AMZ1: variants seen among roughly 807,000 people sequenced by gnomAD.
AMZ1 encodes the protein archaelysin family metallopeptidase 1.
In AMZ1, 39 loss-of-function variants were observed where a neutral mutation model predicts 29.9. The ratio of observed to expected loss-of-function variants is 1.30; its 90% confidence interval spans 1.01 to 1.70. The LOEUF is 1.70. AMZ1 is among the 40% of genes most tolerant of loss of function. The pLI is 0.00. For synonymous variants in AMZ1, 458 were observed against 304.0 expected, an observed-to-expected ratio of 1.51 and a Z score of -5.27; for missense variants, 1,041 against 680.6, an observed-to-expected ratio of 1.53 and a Z score of -5.89.
chr7:2,709,788 T>A lies in AMZ1; in HGVS notation c.920T>A (p.Leu307Gln). Reference sequence around the variant, plus strand: ...TGCCTGAGGAAGCTGCAGCATGTCCTGGGTTTCAGGCTCATCGAGAGGTAC... The same window carrying A: ...TGCCTGAGGAAGCTGCAGCATGTCCAGGGTTTCAGGCTCATCGAGAGGTAC... ...PICLRKLQHV[L>Q]GFRLIERYQR... The change falls in exon 6 of 7, where the codon CTG becomes CAG. Residue 307 changes from leucine (L) to glutamine (Q), a missense_variant. Coordinates refer to ENST00000683327, the MANE Select transcript of AMZ1 (RefSeq NM_001384743.1). 6.2e-7 allele frequency: 1 copy of A among 1,611,964 alleles called. No homozygotes were observed. The highest frequency in any genetic ancestry group is 2.2e-5 in the East Asian group (1 of 44,880).
At chr7:2,725,389 C>G (rs1670930690) in intron 4 of AMZ1, among the ~76,000 whole-genome samples, 1 of 152,242 alleles carries the variant, frequency 6.6e-6, no homozygotes, top group African/African-American at 2.4e-5. Context: ...GAGCAGTGAC[C>G]TGTGTCTGAA....
rs761151151 is a variant in AMZ1 at position 2,712,803 on chromosome 7, G to C, written c.1422G>C (p.Leu474=). ...TGCTGGGGGACAAGTTCTCCTCCCT[G>C]AGGAGGAAGCTGAGTGCCCGAAAAC... ...RKVLGDKFSS[L]RRKLSARKLA... Residue 474 remains leucine (L), a synonymous_variant, in exon 7 of 7, where the codon CTG becomes CTC. Coordinates refer to ENST00000683327, the MANE Select transcript of AMZ1 (RefSeq NM_001384743.1). 3.2e-6 allele frequency: 5 copies of C among 1,547,068 alleles called. No homozygotes were observed. The Admixed American group carries it at 9.7e-5, about 30-fold the overall frequency.
rs563263197 is a variant in AMZ1 at position 2,712,391 on chromosome 7, C to T, written c.1010C>T (p.Pro337Leu). 6.6e-5 allele frequency: 106 copies of T among 1,609,998 alleles called. No individual in the cohort carries two copies. Among genetic ancestry groups the T allele is most frequent in the South Asian group, 7.7e-5 (7 of 90,646 alleles). ...TGGCCCAGCCAGGAGGCGGGGGAGC[C>T]GTCAGTGTGGGAGGACACCCCGCCT... Reference protein sequence around the residue: ...GTWPSQEAGEPSVWEDTPPAS... With the variant: ...GTWPSQEAGELSVWEDTPPAS... Residue 337 changes from proline (P) to leucine (L), a missense_variant, in exon 7 of 7, where the codon CCG becomes CTG. Pro to Leu is a moderately conservative substitution (Grantham distance 98). Coordinates refer to ENST00000683327, the MANE Select transcript of AMZ1 (RefSeq NM_001384743.1).
chr7:2,731,384 G>A lies in AMZ1; in HGVS notation n.550+21568G>A, dbSNP rs1789887131. Reference sequence around the variant, plus strand: ...CTGTGCGGGTCGCCCCTGAAGTCCGGGAAGTGCTTCTTGATGCTCACGGTC... The same window carrying A: ...CTGTGCGGGTCGCCCCTGAAGTCCGAGAAGTGCTTCTTGATGCTCACGGTC... On this transcript the variant is annotated intron_variant and non_coding_transcript_variant, in intron 4 of 4. Coordinates refer to the AMZ1 transcript ENST00000489665. This position sits in a 1 kb window ranked among gnomAD's most constrained non-coding sequence, Gnocchi z 6.0. The A allele has an allele frequency of 3.1e-6, 5 of 1,613,604 alleles. No individual in the cohort carries two copies. The East Asian group carries it at 8.9e-5, about 29-fold the overall frequency.
intron 3 of AMZ1, among the ~76,000 whole-genome samples, chr7:2,703,457 A>G (rs1455742288): frequency 1.3e-5 from 2 of 152,074 alleles, no homozygotes; most frequent in African/African-American, 4.8e-5. Context: ...GAGCCCTTCT[A>G]AGGCCACTCA....
upstream of AMZ1, chr7:2,762,871 C>T (rs988066350): frequency 1.2e-5 from 18 of 1,447,504 alleles, no homozygotes; most frequent in Non-Finnish European, 1.6e-5. Flanking sequence ...CAGCTCCGAG[C>T]CCTGCTCGTG....
At position 2,712,455 on chromosome 7, in the gene AMZ1, G is replaced by C; in HGVS notation, c.1074G>C (p.Ser358=). 1.2e-6 allele frequency: 2 copies of C among 1,611,286 alleles called. No homozygotes were observed. The highest frequency in any genetic ancestry group is 1.7e-6 in the Non-Finnish European group (2 of 1,179,644). ...ADSGMCCESD[S]EPGTSVSEPL... ...CGGGCATGTGCTGTGAGAGTGACTCGGAGCCCGGCACCAGTGTGTCGGAGC... is the reference window on the plus strand; with the variant it reads ...CGGGCATGTGCTGTGAGAGTGACTCCGAGCCCGGCACCAGTGTGTCGGAGC... The change falls in exon 7 of 7, where the codon TCG becomes TCC. Residue 358 remains serine (S), a synonymous_variant. Coordinates refer to ENST00000683327, the MANE Select transcript of AMZ1 (RefSeq NM_001384743.1).
rs191125452 is a variant in AMZ1 at position 2,707,872 on chromosome 7, A to G, written c.473-716A>G. Among the ~76,000 whole-genome samples the G allele has an allele frequency of 1.0e-4, 13 of 127,826 alleles. No individual in the cohort carries two copies. The East Asian group carries it at 2.5e-3, about 24-fold the overall frequency. 83.9% of individuals were successfully genotyped at this position (127,826 alleles called of 152,430 possible). A position where few individuals can be genotyped will look rare whatever the true frequency, so the allele number is the denominator to read the frequency against. Reference sequence around the variant, plus strand: ...GGAGTCTGGCTCTGTTGCCCAGGCTAGAGGGCAGTGGCGTGATGTCAGCTC... The same window carrying G: ...GGAGTCTGGCTCTGTTGCCCAGGCTGGAGGGCAGTGGCGTGATGTCAGCTC... On this transcript the variant is annotated intron_variant, in intron 3 of 6. Coordinates refer to ENST00000683327, the MANE Select transcript of AMZ1 (RefSeq NM_001384743.1).
intron 4 of AMZ1, among the ~76,000 whole-genome samples, chr7:2,724,980 G>A (rs986689590): frequency 1.4e-5 from 2 of 140,712 alleles, no homozygotes; most frequent in South Asian, 2.2e-4. Context: ...AAGCACTGTG[G>A]TCTATTTCTG....
intron 3 of AMZ1, among the ~76,000 whole-genome samples, chr7:2,708,114 T>G (rs1055838409): frequency 1.3e-5 from 2 of 152,138 alleles, no homozygotes; most frequent in Non-Finnish European, 2.9e-5. Flanking sequence ...TGAGCCACTG[T>G]GCCCGGCCTT....
chr7:2,762,314 G>A (rs1319921226), upstream of AMZ1: 2 of 300,272 alleles, frequency 6.7e-6, no homozygotes, highest in Non-Finnish European at 1.2e-5. Flanking sequence ...CACCACTCAC[G>A]CCAGGCGCTG....
In AMZ1 at chr7:2,708,590, G is replaced by C; in HGVS notation, c.475G>C (p.Gly159Arg). The C allele has an allele frequency of 6.2e-7, 1 of 1,612,298 alleles. No individual in the cohort carries two copies. The highest frequency in any genetic ancestry group is 1.1e-5 in the South Asian group (1 of 91,080). The change falls in exon 4 of 7, where the codon GGC becomes CGC. Residue 159 changes from glycine (G) to arginine (R), a missense_variant and splice_region_variant. Coordinates refer to ENST00000683327, the MANE Select transcript of AMZ1 (RefSeq NM_001384743.1). ...DSDRLQLHTD[G>R]ILSFLKNNKP... ...ATCCTCTGGCCCTCTCCCCGCAGACGGCATCCTGTCCTTCTTGAAGAACAA... is the reference window on the plus strand; with the variant it reads ...ATCCTCTGGCCCTCTCCCCGCAGACCGCATCCTGTCCTTCTTGAAGAACAA...
rs368758617 is a variant in AMZ1, at chr7:2,712,683, G to A, written c.1302G>A (p.Val434=). The A allele has an allele frequency of 1.6e-4, 265 of 1,612,746 alleles. No individual in the cohort carries two copies. The highest frequency in any genetic ancestry group is 6.4e-4 in the South Asian group (58 of 90,992). Residue 434 remains valine (V), a synonymous_variant, in exon 7 of 7, where the codon GTG becomes GTA. Coordinates refer to ENST00000683327, the MANE Select transcript of AMZ1 (RefSeq NM_001384743.1). ...EEDLVQVDRA[V]DALDRWEMFT... ...ACCTGGTGCAGGTGGACAGAGCCGTGGACGCCCTCGACCGCTGGGAGATGT... is the reference window on the plus strand; with the variant it reads ...ACCTGGTGCAGGTGGACAGAGCCGTAGACGCCCTCGACCGCTGGGAGATGT...
upstream of AMZ1, chr7:2,762,862 A>T: frequency 6.8e-7 from 1 of 1,460,456 alleles, no homozygotes; most frequent in Non-Finnish European, 9.1e-7. Context: ...GGAGAGGGCC[A>T]GCTCCGAGCC....
intron 4 of AMZ1, among the ~76,000 whole-genome samples, chr7:2,756,761 A>G (rs1791317779): frequency 6.6e-6 from 1 of 152,174 alleles, no homozygotes; most frequent in African/African-American, 2.4e-5. Flanking sequence ...AATATGATGG[A>G]ACATCACTTT....
upstream of AMZ1, among the ~76,000 whole-genome samples, chr7:2,687,756 C>A (rs566594514): frequency 4.2e-4 from 64 of 151,652 alleles, 1 homozygote; most frequent in East Asian, 0.012. Flanking sequence ...GCCTCGTTCA[C>A]CCCCTCACCT....
At chr7:2,745,757 G>A (rs1181956050) in intron 4 of AMZ1, among the ~76,000 whole-genome samples, 4 of 152,198 alleles carry the variant, frequency 2.6e-5, no homozygotes, top group Admixed American at 1.3e-4. Flanking sequence ...CCATCAGTGT[G>A]CTGTATTCAG....
At chr7:2,695,023 C>G (rs1266234685) in intron 1 of AMZ1, among the ~76,000 whole-genome samples, 2 of 152,120 alleles carry the variant, frequency 1.3e-5, no homozygotes, top group African/African-American at 2.4e-5. Flanking sequence ...GTTCACCTGC[C>G]CTGGGACCCG....
upstream of AMZ1, among the ~76,000 whole-genome samples, chr7:2,685,855 GAAAAAAAAA>G (rs10710624): frequency 2.7e-4 from 23 of 86,748 alleles, no homozygotes; most frequent in African/African-American, 7.8e-4. Flanking sequence ...TCCGTCTCAA[GAAAAAAAAA>G]AAAAAAAAAA....
Sources: allele counts gnomAD v4.1 joint callset (sites outside exome capture counted in the v4.1 genomes callset), GRCh38; gene constraint gnomAD v4.1.1; non-coding constraint Gnocchi (gnomAD v3.1); transcripts MANE v1.5; gene names NCBI Gene and HGNC (gene_info 2026-07-23, HGNC 2026-07-21).